CAPZA2: variants seen among roughly 807,000 people sequenced by gnomAD.
The protein encoded by CAPZA2 is F-actin-capping protein subunit alpha-2.
CAPZA2 carries 13 observed loss-of-function variants against 44.0 expected under a neutral mutation model. That is an observed-to-expected ratio of 0.30 (90% CI 0.19 to 0.47). The LOEUF is 0.47. Ranked by LOEUF, CAPZA2 falls within the 20% of genes least tolerant of loss-of-function variation. The pLI is 1.00. For synonymous variants in CAPZA2, 94 were observed against 108.2 expected, an observed-to-expected ratio of 0.87 and a Z score of 0.81; for missense variants, 244 against 338.6, an observed-to-expected ratio of 0.72 and a Z score of 2.19.
chr7:116,878,800 A>G (rs1796652771), intron 1 of CAPZA2, among the ~76,000 whole-genome samples: 1 of 152,162 alleles, frequency 6.6e-6, no homozygotes, highest in Non-Finnish European at 1.5e-5. Context: ...ACTAACATAT[A>G]ATCACTTGAA....
At chr7:116,893,514 G>A (rs1275961275) in intron 3 of CAPZA2, among the ~76,000 whole-genome samples, 4 of 152,054 alleles carry the variant, frequency 2.6e-5, no homozygotes, top group Admixed American at 6.5e-5. Context: ...TCCTAGCCAG[G>A]GTAGGAGAAA....
At chr7:116,887,810 G>A (rs897507415) in intron 1 of CAPZA2, among the ~76,000 whole-genome samples, 2 of 152,224 alleles carry the variant, frequency 1.3e-5, no homozygotes, top group Non-Finnish European at 1.5e-5. Context: ...TCTAGCCTGC[G>A]TAACAGAGTG....
chr7:116,914,530 C>G (rs1037186073), intron 8 of CAPZA2, among the ~76,000 whole-genome samples: 1 of 151,310 alleles, frequency 6.6e-6, no homozygotes, highest in African/African-American at 2.4e-5. Context: ...TGTGTGAATA[C>G]AGCTCACTGC....
rs182600016 is a variant in CAPZA2 at position 116,919,282 on chromosome 7, C to A, written c.*1415C>A. 1 of 152,388 alleles carries A rather than the reference C, an allele frequency of 6.6e-6. No individual in the cohort carries two copies. Among genetic ancestry groups the A allele is most frequent in the East Asian group, 1.9e-4 (1 of 5,174 alleles). 9.4% of individuals were successfully genotyped at this position (152,388 alleles called of 1,614,324 possible). ...TGACATTTTGTCTAAATCATCTTTT[C>A]TTTAGTTTTAAAATACAAGTTTTGG... On this transcript the variant is annotated 3_prime_UTR_variant, in exon 10 of 10. Transcript: ENST00000361183.
At chr7:116,892,641 T>C (rs1206386807) in intron 2 of CAPZA2, among the ~76,000 whole-genome samples, 1 of 151,648 alleles carries the variant, frequency 6.6e-6, no homozygotes, top group African/African-American at 2.4e-5. Flanking sequence ...GCTGATGAGC[T>C]TAAAAAAAAA....
intron 1 of CAPZA2, among the ~76,000 whole-genome samples, chr7:116,878,986 C>A (rs1220252318): frequency 2.0e-5 from 3 of 151,816 alleles, no homozygotes; most frequent in Admixed American, 6.6e-5. Context: ...ATTAGCCGGG[C>A]ATGGTGGCAC....
intron 6 of CAPZA2, chr7:116,906,657 G>A (rs1020456408): frequency 4.3e-6 from 1 of 232,320 alleles, no homozygotes; most frequent in Non-Finnish European, 8.2e-6. Flanking sequence ...GTTCCTGAAT[G>A]AAACTTATGT....
intron 1 of CAPZA2, among the ~76,000 whole-genome samples, chr7:116,868,754 C>A (rs1417192941): frequency 1.3e-5 from 2 of 152,044 alleles, no homozygotes; most frequent in Admixed American, 6.5e-5. Context: ...AAAAAAAATT[C>A]TTATTATTGA....
At chr7:116,899,463 A>C (rs971554854) in intron 4 of CAPZA2, among the ~76,000 whole-genome samples, 1 of 151,860 alleles carries the variant, frequency 6.6e-6, no homozygotes, top group Non-Finnish European at 1.5e-5. Flanking sequence ...AATCATGTCA[A>C]AGCTTTTATT....
At chr7:116,884,227 G>T (rs931109075) in intron 1 of CAPZA2, among the ~76,000 whole-genome samples, 1 of 151,994 alleles carries the variant, frequency 6.6e-6, no homozygotes, top group Non-Finnish European at 1.5e-5. Flanking sequence ...AATATGTTTT[G>T]AAAACACATA....
intron 6 of CAPZA2, 155 bp from the exon 7 acceptor site, chr7:116,910,078 T>G: frequency 1.5e-6 from 1 of 651,848 alleles, no homozygotes; most frequent in Admixed American, 2.3e-5. Context: ...CTTAACCTTT[T>G]GATTATTTTT....
chr7:116,863,969 T>A (rs1046120551), intron 1 of CAPZA2, among the ~76,000 whole-genome samples: 2 of 152,156 alleles, frequency 1.3e-5, no homozygotes, highest in African/African-American at 4.8e-5. Flanking sequence ...TTCTCTTGTG[T>A]TCTTCGGTGA....
chr7:116,880,915 G>T (rs560709658), intron 1 of CAPZA2, among the ~76,000 whole-genome samples: 24 of 151,006 alleles, frequency 1.6e-4, no homozygotes, highest in Middle Eastern at 3.4e-3. Flanking sequence ...CTCCCTGTTG[G>T]CCAGGCTGAT....
intron 4 of CAPZA2, among the ~76,000 whole-genome samples, chr7:116,901,881 A>ATGTGTGTGTGTG (rs1554410805): frequency 0.028 from 3,897 of 140,834 alleles, 74 homozygotes; most frequent in Non-Finnish European, 0.042. Context: ...TAACGAAGAA[A>ATGTGTGTGTGTG]TGTGTGTGTG....
intron 1 of CAPZA2, 75 bp from the exon 2 acceptor site, chr7:116,888,052 T>C (rs1796786084): frequency 2.9e-6 from 3 of 1,026,238 alleles, no homozygotes; most frequent in South Asian, 1.4e-5. Flanking sequence ...TGAAATAATA[T>C]AATTTTGCAT....
intron 1 of CAPZA2, among the ~76,000 whole-genome samples, chr7:116,881,498 G>T (rs926677940): frequency 2.0e-5 from 3 of 152,000 alleles, no homozygotes; most frequent in African/African-American, 7.3e-5. Flanking sequence ...CCAGCACTTC[G>T]GGAGGCCAAG....
chr7:116,919,027 T>G lies in CAPZA2; in HGVS notation c.*1160T>G, dbSNP rs1208723722. 1 of 152,010 alleles carries G rather than the reference T, an allele frequency of 6.6e-6. No homozygotes were observed. Among genetic ancestry groups the G allele is most frequent in the Non-Finnish European group, 1.5e-5 (1 of 67,984 alleles). 9.4% of individuals were successfully genotyped at this position (152,010 alleles called of 1,614,324 possible). ...TAGAGTATTGCTGATTATACTTGAGTGGAATCCTTTCCTCACGTACTCCCA... is the reference window on the plus strand; with the variant it reads ...TAGAGTATTGCTGATTATACTTGAGGGGAATCCTTTCCTCACGTACTCCCA... On this transcript the variant is annotated 3_prime_UTR_variant, in exon 10 of 10. Coordinates refer to ENST00000361183, the MANE Select transcript of CAPZA2 (RefSeq NM_006136.3).
At chr7:116,900,400 C>G (rs1246318723) in intron 4 of CAPZA2, among the ~76,000 whole-genome samples, 3 of 145,134 alleles carry the variant, frequency 2.1e-5, no homozygotes, top group African/African-American at 7.6e-5. Context: ...ATATAACTCC[C>G]AACCAAAAAA....
At chr7:116,915,678 C>T (rs1585016524) in intron 8 of CAPZA2, 2 of 147,082 alleles carry the variant, frequency 1.4e-5, no homozygotes, top group East Asian at 2.0e-4. Flanking sequence ...TGTTCTGTTA[C>T]GTAATGTTCA....
Sources: allele counts gnomAD v4.1 joint callset (sites outside exome capture counted in the v4.1 genomes callset), GRCh38; gene constraint gnomAD v4.1.1; transcripts MANE v1.5; gene names NCBI Gene and HGNC (gene_info 2026-07-23, HGNC 2026-07-21).